The following PARP16 variants were observed in gnomAD, a reference collection of about 807,000 sequenced individuals.
PARP16 encodes poly(ADP-ribose) polymerase family member 16.
A neutral mutation model predicts 35.0 loss-of-function variants in PARP16; 31 were observed. The ratio of observed to expected loss-of-function variants is 0.88; its 90% CI spans 0.66 to 1.19. The LOEUF is 1.19. Among genes scored for constraint, PARP16 ranks in the 50% most tolerant of loss-of-function variants. The pLI, the probability that PARP16 is intolerant of heterozygous loss-of-function variation, is 0.00. For synonymous variants in PARP16, 162 were observed against 169.5 expected, an observed-to-expected ratio of 0.96 and a Z score of 0.34; for missense variants, 424 against 411.2, an observed-to-expected ratio of 1.03 and a Z score of -0.27.
intron 3 of PARP16, 110 bp from the exon 4 acceptor site, chr15:65,263,430 C>T: frequency 2.3e-6 from 2 of 858,042 alleles, no homozygotes; most frequent in Non-Finnish European, 3.5e-6. Context: ...AATGTACAAC[C>T]CCCGCTTTTT....
At chr15:65,270,780 C>T (rs924559033) in intron 2 of PARP16, among the ~76,000 whole-genome samples, 155 bp downstream of exon 2, 3 of 152,180 alleles carry the variant, frequency 2.0e-5, no homozygotes, top group African/African-American at 7.2e-5. Context: ...ACTCCAGACA[C>T]AGAACTAGAA....
Position 65,263,340 on chromosome 15 carries a change from G to T in PARP16, c.520-20C>A, listed in dbSNP as rs1159430501. The T allele has an allele frequency of 9.0e-6, 14 of 1,549,324 alleles. No individual in the cohort carries two copies. The highest frequency in any genetic ancestry group is 1.2e-5 in the Non-Finnish European group (14 of 1,147,116). ...GGATGTCTGCAACAGCAAGGCCAAT[G>T]GAAAAGAAACACAGATGGTTGAATG... On this transcript the variant is annotated intron_variant, in intron 3 of 5. Coordinates refer to ENST00000649807, the MANE Select transcript of PARP16 (RefSeq NM_001316943.2).
chr15:65,279,338 A>C (rs1053065459), intron 1 of PARP16, among the ~76,000 whole-genome samples: 1 of 152,132 alleles, frequency 6.6e-6, no homozygotes, highest in Non-Finnish European at 1.5e-5. Flanking sequence ...TATTATTATC[A>C]ATCAAATACC....
intron 1 of PARP16, among the ~76,000 whole-genome samples, chr15:65,281,190 G>A (rs1463985653): frequency 6.6e-6 from 1 of 152,214 alleles, no homozygotes; most frequent in Non-Finnish European, 1.5e-5. Flanking sequence ...TGTGTCAAGT[G>A]ACAAACCTGA....
intron 3 of PARP16, among the ~76,000 whole-genome samples, chr15:65,240,299 TGTGTGTGTGTGGTGGGGGGGGCTA>T (rs1160546020): frequency 2.6e-5 from 2 of 76,472 alleles, no homozygotes; most frequent in East Asian, 9.6e-4. Context: ...CTGGCTAGTG[TGTGTGTGTGTGGTGGGGGGGGCTA>T]GTGTGTGTGT....
At chr15:65,252,123 T>G (rs1404215947) in intron 2 of PARP16, among the ~76,000 whole-genome samples, 1 of 152,146 alleles carries the variant, frequency 6.6e-6, no homozygotes, top group African/African-American at 2.4e-5. Flanking sequence ...CTAATTGGCT[T>G]GGGCCTGAGT....
At chr15:65,246,821 C>A (rs928162083) in intron 3 of PARP16, among the ~76,000 whole-genome samples, 1 of 152,130 alleles carries the variant, frequency 6.6e-6, no homozygotes, top group Non-Finnish European at 1.5e-5. Context: ...CTGTCCCCAC[C>A]CCCAACCACC....
chr15:65,242,351 G>C (rs2140739184), intron 3 of PARP16, among the ~76,000 whole-genome samples: 1 of 151,904 alleles, frequency 6.6e-6, no homozygotes, highest in African/African-American at 2.4e-5. Flanking sequence ...GGCTATTCAA[G>C]GTCCTTTGCA....
intron 3 of PARP16, among the ~76,000 whole-genome samples, chr15:65,246,054 T>C (rs958467215): frequency 6.6e-6 from 1 of 152,108 alleles, no homozygotes; most frequent in Non-Finnish European, 1.5e-5. Flanking sequence ...CTGTGACCCA[T>C]GTTGGGGATG....
intron 3 of PARP16, among the ~76,000 whole-genome samples, chr15:65,247,083 T>C (rs753231050): frequency 1.3e-5 from 2 of 151,994 alleles, no homozygotes; most frequent in Non-Finnish European, 1.5e-5. Flanking sequence ...CTCGACCTCC[T>C]GGGCTCAAGC....
intron 1 of PARP16, chr15:65,285,645 A>G (rs530740981): frequency 1.7e-4 from 31 of 178,966 alleles, no homozygotes; most frequent in African/African-American, 7.4e-4. Flanking sequence ...TCTGCTTTTT[A>G]TTGAATCGAT....
chr15:65,280,394 G>A lies in PARP16; in HGVS notation c.174+5859C>T, dbSNP rs369886388. On this transcript the variant is annotated intron_variant, in intron 1 of 5. Transcript: ENST00000649807. ...AGAGGTTGCACTGAGCCAAGATCAC[G>A]CCACTGCACTCCAAACTGGGCAACA... Among the ~76,000 whole-genome samples, 18 of 141,704 alleles carry A rather than the reference G, an allele frequency of 1.3e-4. 1 individual carries two copies. The South Asian group carries it at 3.3e-3, about 26-fold the overall frequency. The allele number at this position is 141,704 out of a possible 152,430, so 93.0% of individuals were successfully genotyped here.
At position 65,270,991 on chromosome 15, in the gene PARP16, C is replaced by T; in HGVS notation, c.256G>A (p.Val86Met). ...GDNHKRAWDL[V>M]SWILSSKVLT... The stretch of plus-strand genomic sequence containing the variant: ...ACCTTTGAGGATAAAATCCAGCTCA[C>T]CAGGTCCCAGGCCCGTTTGTGGTTG... The change falls in exon 2 of 6, where the codon GTG (valine) becomes ATG (methionine). Residue 86 changes from valine to methionine, a missense_variant. Physicochemically the swap from Val to Met is conservative, Grantham distance 21 (BLOSUM62 1). Coordinates refer to ENST00000649807, the MANE Select transcript of PARP16 (RefSeq NM_001316943.2). 6.2e-7 allele frequency: 1 copy of T among 1,614,102 alleles called. No homozygotes were observed. Among genetic ancestry groups the T allele is most frequent in the Non-Finnish European group, 8.5e-7 (1 of 1,179,972 alleles).
downstream of PARP16, among the ~76,000 whole-genome samples, chr15:65,257,023 C>T (rs11636819): frequency 0.22 from 33,683 of 152,164 alleles, 4,517 homozygotes; most frequent in Admixed American, 0.31. Context: ...CTGGACATAG[C>T]GGCTCATGCC....
At chr15:65,250,424 G>T (rs2089329293) in intron 2 of PARP16, among the ~76,000 whole-genome samples, 1 of 151,914 alleles carries the variant, frequency 6.6e-6, no homozygotes, top group African/African-American at 2.4e-5. Flanking sequence ...GGCCATGCCT[G>T]CCTTTCTTAT....
At chr15:65,239,568 T>C (rs1191031801) in intron 3 of PARP16, among the ~76,000 whole-genome samples, 2 of 151,468 alleles carry the variant, frequency 1.3e-5, no homozygotes, top group Non-Finnish European at 2.9e-5. Flanking sequence ...CCACCTCCCA[T>C]TCCTAGGCAA....
At chr15:65,279,444 C>T (rs1195429098) in intron 1 of PARP16, among the ~76,000 whole-genome samples, 2 of 152,110 alleles carry the variant, frequency 1.3e-5, no homozygotes, top group African/African-American at 4.8e-5. Flanking sequence ...ATGGATCCCA[C>T]CCCTTCACCC....
Position 65,286,549 on chromosome 15 carries a change from G to A in PARP16, c.-123C>T, listed in dbSNP as rs1026452056. 5 of 673,714 alleles carry A rather than the reference G, an allele frequency of 7.4e-6. No homozygotes were observed. Among genetic ancestry groups the A allele is most frequent in the Non-Finnish European group, 1.2e-5 (5 of 430,588 alleles). 41.7% of individuals were successfully genotyped at this position (673,714 alleles called of 1,614,324 possible). On this transcript the variant is annotated 5_prime_UTR_variant, in exon 1 of 6. Coordinates refer to ENST00000649807, the MANE Select transcript of PARP16 (RefSeq NM_001316943.2). The stretch of plus-strand genomic sequence containing the variant: ...CAGGGGCCGGGTTCCCAAGCCTGGG[G>A]TGGAGCTAGGCAGGGGGCTGAGATG...
chr15:65,251,674 A>T (rs1335927511), intron 2 of PARP16, among the ~76,000 whole-genome samples: 4 of 152,172 alleles, frequency 2.6e-5, no homozygotes, highest in Admixed American at 2.6e-4. Flanking sequence ...AGATACTATT[A>T]TTATATCAAA....
Sources: allele counts gnomAD v4.1 joint callset (sites outside exome capture counted in the v4.1 genomes callset), GRCh38; gene constraint gnomAD v4.1.1; transcripts MANE v1.5; gene names NCBI Gene and HGNC (gene_info 2026-07-23, HGNC 2026-07-21).